LYST: variants seen among roughly 807,000 people sequenced by gnomAD.
The protein encoded by LYST is lysosomal-trafficking regulator.
Under a neutral mutation model 413.6 loss-of-function variants are expected in LYST, and 192 were observed. The observed-to-expected ratio is 0.46, with a 90% CI of 0.41 to 0.52. The LOEUF (loss-of-function observed/expected upper bound fraction) is 0.52, where lower values mean the gene tolerates loss of function less well. Among genes scored for constraint, LYST ranks in the 20% least tolerant of loss-of-function variants. The probability of loss-of-function intolerance (pLI) is 0.00; values close to 1 mark genes in which losing one functional copy is unlikely to be tolerated. For synonymous variants in LYST, 1,525 were observed against 1,567.3 expected, an observed-to-expected ratio of 0.97 and a Z score of 0.64; for missense variants, 3,815 against 4,499.9, an observed-to-expected ratio of 0.85 and a Z score of 4.35.
chr1:235,781,633 C>A (rs192484303), intron 15 of LYST, among the ~76,000 whole-genome samples: 1 of 151,980 alleles, frequency 6.6e-6, no homozygotes, highest in Non-Finnish European at 1.5e-5. Flanking sequence ...TTAATATGAG[C>A]TTCTCTTTTT....
At chr1:235,843,563 C>T (rs114985620) in intron 1 of LYST, among the ~76,000 whole-genome samples, 80 of 152,196 alleles carry the variant, frequency 5.3e-4, no homozygotes, top group African/African-American at 1.9e-3. Context: ...GTACTAGCTG[C>T]ACACCTTATG....
At chr1:235,801,164 C>T in intron 8 of LYST, 67 bp from the exon 9 acceptor site, 9 of 1,054,836 alleles carry the variant, frequency 8.5e-6, no homozygotes, top group Non-Finnish European at 1.2e-5. Flanking sequence ...CTTCATTAAT[C>T]ATTTAGAAGA....
At chr1:235,694,079 G>A (rs543554029) in intron 46 of LYST, among the ~76,000 whole-genome samples, 7 of 149,082 alleles carry the variant, frequency 4.7e-5, no homozygotes, top group South Asian at 2.1e-4. Flanking sequence ...GCGCAATCTC[G>A]GCTCACTGCA....
In LYST at chr1:235,702,922, A is replaced by T; in HGVS notation, c.10199T>A (p.Leu3400Gln). The change falls in exon 45 of 53, where the codon CTA becomes CAA. Residue 3400 changes from leucine (L) to glutamine (Q), a missense_variant. Transcript: ENST00000389793. The part of the protein sequence containing the change: ...AVEDPVQRRA[L>Q]ETMIKTYGQT... ...CCCGTAGGTTTTTATCATGGTTTCT[A>T]GCGCTCGTCTCTGAACTGGATCTTC... 1 of 1,614,226 alleles carries T rather than the reference A, an allele frequency of 6.2e-7. No individual in the cohort carries two copies. Among genetic ancestry groups the T allele is most frequent in the Non-Finnish European group, 8.5e-7 (1 of 1,180,044 alleles).
At chr1:235,728,698 G>A (rs992653955) in intron 37 of LYST, among the ~76,000 whole-genome samples, 34 of 152,106 alleles carry the variant, frequency 2.2e-4, no homozygotes, top group Admixed American at 5.2e-4. Flanking sequence ...CTGAGGTTCC[G>A]CCCCCTGCAT....
Position 235,800,405 on chromosome 1 carries a change from A to G in LYST, c.3940-19T>C. ...CAGTTCCCTGAAGATTAAAAAAAAT[A>G]CAAAATTAAATTACTTACCTCACAG... On this transcript the variant is annotated intron_variant, in intron 9 of 52. Coordinates refer to ENST00000389793, the MANE Select transcript of LYST (RefSeq NM_000081.4). 6.5e-6 allele frequency: 9 copies of G among 1,391,030 alleles called. No homozygotes were observed. The highest frequency in any genetic ancestry group is 9.2e-6 in the Non-Finnish European group (9 of 976,900). The allele number at this position is 1,391,030 out of a possible 1,614,324, so 86.2% of individuals were successfully genotyped here.
intron 31 of LYST, 96 bp from the exon 32 acceptor site, chr1:235,734,755 G>C: frequency 1.2e-6 from 1 of 801,278 alleles, no homozygotes; most frequent in Admixed American, 2.6e-5. Flanking sequence ...AGATTTATTT[G>C]GTTGCATCTG....
At chr1:235,849,101 A>C (rs1394067021) in intron 1 of LYST, among the ~76,000 whole-genome samples, 1 of 152,176 alleles carries the variant, frequency 6.6e-6, no homozygotes, top group Non-Finnish European at 1.5e-5. Flanking sequence ...TGATGAACAC[A>C]GATGCTAAAA....
chr1:235,858,064 T>C (rs999488739), intron 1 of LYST, among the ~76,000 whole-genome samples: 1 of 152,214 alleles, frequency 6.6e-6, no homozygotes, highest in Non-Finnish European at 1.5e-5. Context: ...AAGCTATATA[T>C]TCTGGGGACT....
intron 31 of LYST, chr1:235,735,824 C>T (rs945959087): frequency 1.3e-5 from 2 of 151,996 alleles, no homozygotes; most frequent in Admixed American, 6.6e-5. Flanking sequence ...CATTTTAATG[C>T]AACATTTTAA....
intron 5 of LYST, 31 bp downstream of exon 5, chr1:235,808,424 C>G: frequency 6.2e-7 from 1 of 1,605,100 alleles, no homozygotes; most frequent in Non-Finnish European, 8.5e-7. Flanking sequence ...CAACAACCCC[C>G]GCCCCCGCCG....
intron 28 of LYST, among the ~76,000 whole-genome samples, chr1:235,750,724 T>C (rs1666406663): frequency 6.6e-6 from 1 of 152,244 alleles, no homozygotes; most frequent in Non-Finnish European, 1.5e-5. Flanking sequence ...AATATCTGAA[T>C]GCACTGTTTC....
Position 235,806,522 on chromosome 1 carries a change from T to C in LYST, c.2614A>G (p.Ser872Gly). 1 of 1,614,114 alleles carries C rather than the reference T, an allele frequency of 6.2e-7. No individual in the cohort carries two copies. ...TCTTTGAGGCCAGCATAAAATTTGCTGAGACTCTGAGGAGAATCTGAATAA... is the reference window on the plus strand; with the variant it reads ...TCTTTGAGGCCAGCATAAAATTTGCCGAGACTCTGAGGAGAATCTGAATAA... ...QAYSDSPQSLSKFYAGLKEAY... is the reference protein window; with the variant it reads ...QAYSDSPQSLGKFYAGLKEAY... Residue 872 changes from serine to glycine, a missense_variant, in exon 6 of 53, where the codon AGC becomes GGC. Around this residue, in one of 4 missense-constraint regions of LYST, gnomAD observed 1,648 missense variants for 1,810.3 expected, o/e 0.91. Coordinates refer to ENST00000389793, the MANE Select transcript of LYST (RefSeq NM_000081.4).
chr1:235,818,206 G>C (rs185863811), intron 3 of LYST, among the ~76,000 whole-genome samples: 184 of 152,262 alleles, frequency 1.2e-3, no homozygotes, highest in African/African-American at 4.3e-3. Context: ...TACATACCAA[G>C]AGGGAGAGGG....
chr1:235,685,855 C>CA (rs533623866), intron 48 of LYST, among the ~76,000 whole-genome samples: 3,376 of 128,388 alleles, frequency 0.026, 74 homozygotes, highest in Admixed American at 0.067. Context: ...TAAAACAAAA[C>CA]AAAAAAAAAA....
At chr1:235,787,478 C>A (rs1426402413) in intron 13 of LYST, 105 bp from the exon 14 acceptor site, 3 of 992,008 alleles carry the variant, frequency 3.0e-6, no homozygotes, top group Non-Finnish European at 4.7e-6. Context: ...GATTAAAAAT[C>A]AGTTCTATTT....
intron 16 of LYST, 108 bp downstream of exon 16, chr1:235,780,757 A>G: frequency 2.2e-6 from 1 of 445,178 alleles, no homozygotes; most frequent in Non-Finnish European, 3.9e-6. Flanking sequence ...AGAAAATGAT[A>G]AGGAACCACA....
chr1:235,752,119 T>G lies in LYST; in HGVS notation c.7513A>C (p.Ile2505Leu). The part of the protein sequence containing the change: ...LLACDIQQLF[I>L]AVTIHACSSS... ...CTGCAAGCATGAATTGTAACTGCTATGAAAAGTTGCTGTATATCACAAGCA... is the reference window on the plus strand; with the variant it reads ...CTGCAAGCATGAATTGTAACTGCTAGGAAAAGTTGCTGTATATCACAAGCA... Residue 2505 changes from isoleucine (I) to leucine (L), a missense_variant, in exon 27 of 53, where the codon ATA (isoleucine) becomes CTA (leucine). This residue lies in a region of LYST where 771 missense variants were observed against 837.1 expected (regional missense o/e 0.92). Coordinates refer to ENST00000389793, the MANE Select transcript of LYST (RefSeq NM_000081.4). 1 of 1,611,842 alleles carries G rather than the reference T, an allele frequency of 6.2e-7. No homozygotes were observed. The highest frequency in any genetic ancestry group is 8.5e-7 in the Non-Finnish European group (1 of 1,178,316).
intron 1 of LYST, among the ~76,000 whole-genome samples, chr1:235,882,078 T>TCTCACACACACACACACACACA (rs71576491): frequency 6.9e-6 from 1 of 145,732 alleles, no homozygotes; most frequent in African/African-American, 2.6e-5. Flanking sequence ...ACTCTTTCTT[T>TCTCACACACACACACACACACA]CACACACACA....
Sources: gnomAD v4.1 joint callset for allele counts (sites outside exome capture counted in the v4.1 genomes callset) on GRCh38, gnomAD v4.1.1 for gene constraint, gnomAD v4.1.1 regional missense constraint, MANE v1.5 for transcripts, NCBI Gene and HGNC (gene_info 2026-07-23, HGNC 2026-07-21) for gene names.